Variants in ADAMTS20 observed in about 807,000 individuals in gnomAD.
The protein encoded by ADAMTS20 is ADAM metallopeptidase with thrombospondin type 1 motif 20.
In ADAMTS20, 225 loss-of-function variants were observed where a neutral mutation model predicts 260.1. That is an observed-to-expected ratio of 0.87 (90% CI 0.78 to 0.97). ADAMTS20 has a LOEUF of 0.97. ADAMTS20 is among the 50% of genes least tolerant of loss of function. The probability of loss-of-function intolerance (pLI) is 0.00; values close to 1 mark genes in which losing one functional copy is unlikely to be tolerated. For missense variants in ADAMTS20, 2,400 were observed against 2,337.7 expected, an observed-to-expected ratio of 1.03 and a Z score of -0.55; for synonymous variants, 802 against 769.5, an observed-to-expected ratio of 1.04 and a Z score of -0.70.
chr12:43,456,663 C>A (rs970710939), intron 11 of ADAMTS20, among the ~76,000 whole-genome samples: 4 of 152,176 alleles, frequency 2.6e-5, no homozygotes, highest in Admixed American at 2.0e-4. Context: ...AAGAGCACAC[C>A]TGGACAGGGC....
At chr12:43,550,888 A>G in intron 2 of ADAMTS20, 21 bp downstream of exon 2, 1 of 1,508,912 alleles carries the variant, frequency 6.6e-7, no homozygotes, top group Non-Finnish European at 8.9e-7. Context: ...AGAAAATGCC[A>G]AGGGACCCGA....
At chr12:43,440,130 C>T in intron 16 of ADAMTS20, 61 bp from the exon 17 acceptor site, 3 of 894,168 alleles carry the variant, frequency 3.4e-6, no homozygotes, top group South Asian at 3.7e-5. Flanking sequence ...ACAGAAAACA[C>T]TTGTTTAACT....
chr12:43,484,072 C>T (rs576141453), intron 7 of ADAMTS20, among the ~76,000 whole-genome samples: 21 of 152,228 alleles, frequency 1.4e-4, no homozygotes, highest in African/African-American at 5.1e-4. Context: ...GGAACTCATA[C>T]TGAGTCCACC....
At position 43,478,296 on chromosome 12, in the gene ADAMTS20, A is replaced by C. The variant is rs1034662977; in HGVS notation, c.1118-9591T>G. Among the ~76,000 whole-genome samples, 10 of 152,030 alleles carry C rather than the reference A, an allele frequency of 6.6e-5. No homozygotes were observed. In the East Asian group the frequency reaches 1.9e-3, roughly 29 times the overall value. On this transcript the variant is annotated intron_variant, in intron 7 of 38. Transcript: ENST00000389420. ...ATGGGTGAAATACCAGATTAGACAT[A>C]GCTAAAGAGAGAGCCAAATATACTA...
chr12:43,478,922 A>C (rs1942400006), intron 7 of ADAMTS20, among the ~76,000 whole-genome samples: 1 of 152,160 alleles, frequency 6.6e-6, no homozygotes, highest in Non-Finnish European at 1.5e-5. Flanking sequence ...GGCACCTCAT[A>C]CTTGCAACTG....
chr12:43,501,572 G>C (rs544229558), intron 4 of ADAMTS20, among the ~76,000 whole-genome samples: 1 of 151,752 alleles, frequency 6.6e-6, no homozygotes, highest in Non-Finnish European at 1.5e-5. Context: ...ATTCAGTTCT[G>C]TGGGTACTAG....
chr12:43,389,461 A>C (rs192523444), intron 29 of ADAMTS20, among the ~76,000 whole-genome samples: 3 of 152,208 alleles, frequency 2.0e-5, no homozygotes, highest in Non-Finnish European at 2.9e-5. Context: ...CTTTGATGCA[A>C]TGTTCCACCT....
intron 2 of ADAMTS20, among the ~76,000 whole-genome samples, chr12:43,533,462 C>A (rs1943254263): frequency 1.1e-5 from 1 of 91,614 alleles, no homozygotes; most frequent in African/African-American, 3.8e-5. Flanking sequence ...AACCACTGCT[C>A]AAGGAAATAA....
chr12:43,375,348 T>C (rs1940200082), intron 36 of ADAMTS20, 31 bp downstream of exon 36: 3 of 1,602,170 alleles, frequency 1.9e-6, no homozygotes, highest in Non-Finnish European at 2.6e-6. Flanking sequence ...ATGGAGGCTT[T>C]TTGATTTTAA....
chr12:43,477,663 C>T (rs182488228), intron 7 of ADAMTS20, among the ~76,000 whole-genome samples: 124 of 152,282 alleles, frequency 8.1e-4, no homozygotes, highest in Admixed American at 3.2e-3. Context: ...CTTTCTCTCT[C>T]TCTCTCTCAA....
At chr12:43,531,592 A>G (rs1943221036) in intron 3 of ADAMTS20, among the ~76,000 whole-genome samples, 1 of 152,120 alleles carries the variant, frequency 6.6e-6, no homozygotes, top group Admixed American at 6.6e-5. Flanking sequence ...AGTTGAACTC[A>G]TAGATGTAAA....
At chr12:43,493,852 A>AAG (rs1942640781) in intron 4 of ADAMTS20, among the ~76,000 whole-genome samples, 2 of 152,234 alleles carry the variant, frequency 1.3e-5, no homozygotes, top group African/African-American at 4.8e-5. Flanking sequence ...CCATAGAGGC[A>AAG]GATCCATCTA....
At chr12:43,395,306 A>C (rs1055489381) in intron 29 of ADAMTS20, among the ~76,000 whole-genome samples, 1 of 152,160 alleles carries the variant, frequency 6.6e-6, no homozygotes, top group Admixed American at 6.5e-5. Flanking sequence ...TAGGGACTTA[A>C]AAAATTAACA....
intron 5 of ADAMTS20, among the ~76,000 whole-genome samples, chr12:43,492,956 T>C (rs1389291725): frequency 1.3e-5 from 2 of 152,206 alleles, no homozygotes; most frequent in African/African-American, 4.8e-5. Flanking sequence ...TTGAATTGTT[T>C]ATTCACTTTT....
chr12:43,416,547 G>A (rs1201533159), intron 28 of ADAMTS20, among the ~76,000 whole-genome samples: 2 of 131,952 alleles, frequency 1.5e-5, no homozygotes, highest in African/African-American at 2.8e-5. Flanking sequence ...TTTTTGAGAC[G>A]GAGTCTCACT....
intron 3 of ADAMTS20, among the ~76,000 whole-genome samples, chr12:43,512,983 TAC>T (rs1942945958): frequency 1.3e-5 from 2 of 152,184 alleles, no homozygotes; most frequent in African/African-American, 4.8e-5. Context: ...AAAGACTAGC[TAC>T]TCATGTTCAC....
intron 14 of ADAMTS20, 23 bp from the exon 15 acceptor site, chr12:43,446,735 A>G: frequency 6.4e-7 from 1 of 1,557,042 alleles, no homozygotes; most frequent in East Asian, 2.2e-5. Context: ...ATTACAATCA[A>G]TATTATAAGA....
chr12:43,418,569 A>G (rs996281987), intron 28 of ADAMTS20, among the ~76,000 whole-genome samples: 1 of 152,202 alleles, frequency 6.6e-6, no homozygotes, highest in Non-Finnish European at 1.5e-5. Context: ...CCGGCCTCCC[A>G]AAGTGCTGGG....
chr12:43,468,677 A>T lies in ADAMTS20; in HGVS notation c.1146T>A (p.Asp382Glu), dbSNP rs752122112. The T allele has an allele frequency of 6.2e-6, 10 of 1,606,812 alleles. No homozygotes were observed. The highest frequency in any genetic ancestry group is 1.7e-4 in the Middle Eastern group (1 of 6,036). The change falls in exon 8 of 39, where the codon GAT (aspartate) becomes GAA (glutamate). Residue 382 changes from aspartate (D) to glutamate (E), a missense_variant. By Grantham distance (45) the Asp-to-Glu change is conservative (BLOSUM62 2). Transcript: ENST00000389420. ...LGLSYLGTIC[D>E]PLQSCFINEE... Reference sequence around the variant, plus strand: ...CATTAATAAAGCAGCTTTGTAAAGGATCACATATGGTACCTAAATATGATA... The same window carrying T: ...CATTAATAAAGCAGCTTTGTAAAGGTTCACATATGGTACCTAAATATGATA...
Sources: allele counts gnomAD v4.1 joint callset (sites outside exome capture counted in the v4.1 genomes callset), GRCh38; gene constraint gnomAD v4.1.1; transcripts MANE v1.5; gene names NCBI Gene and HGNC (gene_info 2026-07-23, HGNC 2026-07-21).